RGS12: variants seen among roughly 807,000 people sequenced by gnomAD.
The protein encoded by RGS12 is regulator of G protein signaling 12.
A neutral mutation model predicts 120.1 loss-of-function variants in RGS12; 66 were observed. The observed-to-expected ratio is 0.55, with a 90% confidence interval of 0.45 to 0.67. RGS12 has a LOEUF of 0.67. Ranked by LOEUF, RGS12 falls within the 30% of genes least tolerant of loss-of-function variation. The pLI is 0.00. For synonymous variants in RGS12, 827 were observed against 804.7 expected (o/e 1.03, Z -0.47); for missense variants, 1,859 against 1,957.7 (o/e 0.95, Z 0.95).
At chr4:3,343,815 G>C (rs1372099062) in intron 3 of RGS12, among the ~76,000 whole-genome samples, 1 of 152,096 alleles carries the variant, frequency 6.6e-6, no homozygotes, top group Non-Finnish European at 1.5e-5. Flanking sequence ...CATTTGGCAT[G>C]TTTTAAAATT....
chr4:3,300,321 C>T (rs553647172), intron 1 of RGS12, among the ~76,000 whole-genome samples: 1 of 152,152 alleles, frequency 6.6e-6, no homozygotes, highest in Non-Finnish European at 1.5e-5. Flanking sequence ...GCTGGCTTGC[C>T]CCGCCTGCCA....
intron 3 of RGS12, among the ~76,000 whole-genome samples, chr4:3,355,574 C>G (rs1010434000): frequency 2.0e-5 from 3 of 152,024 alleles, no homozygotes; most frequent in Admixed American, 1.3e-4. Flanking sequence ...GTGGGCAGAT[C>G]ATTTGAGTTC....
In RGS12 at chr4:3,317,304, C is replaced by T; in HGVS notation, c.1134C>T (p.Ser378=). 1 of 1,614,158 alleles carries T rather than the reference C, an allele frequency of 6.2e-7. No homozygotes were observed. Among genetic ancestry groups the T allele is most frequent in the Non-Finnish European group, 8.5e-7 (1 of 1,180,036 alleles). The change falls in exon 2 of 18, where the codon TCC becomes TCT. Residue 378 remains serine, a synonymous_variant. Transcript: ENST00000336727. ...DTNGCLEFPA[S]SLPVLQFISV... ...ATGGCTGTCTGGAATTCCCGGCGTC[C>T]TCCCTCCCCGTCCTGCAGTTCATCT...
At chr4:3,415,801 A>C (rs925587458) in intron 6 of RGS12, among the ~76,000 whole-genome samples, 177 bp from the exon 7 acceptor site, 2 of 152,180 alleles carry the variant, frequency 1.3e-5, no homozygotes, top group Non-Finnish European at 2.9e-5. Flanking sequence ...ATCGTAGAGG[A>C]GCCCGCGCAG....
intron 2 of RGS12, among the ~76,000 whole-genome samples, chr4:3,320,969 A>G (rs1725142327): frequency 6.6e-6 from 1 of 152,136 alleles, no homozygotes; most frequent in South Asian, 2.1e-4. Flanking sequence ...GAGAGAGCAG[A>G]GGAGGCCCCT....
At chr4:3,410,797 G>A (rs1039763215) in intron 4 of RGS12, among the ~76,000 whole-genome samples, 1 of 152,188 alleles carries the variant, frequency 6.6e-6, no homozygotes, top group Non-Finnish European at 1.5e-5. Flanking sequence ...GTGTCCGGGG[G>A]CCTCCTCCTA....
At chr4:3,318,848 G>T (rs1052114556) in intron 2 of RGS12, among the ~76,000 whole-genome samples, 1 of 152,236 alleles carries the variant, frequency 6.6e-6, no homozygotes, top group Non-Finnish European at 1.5e-5. Context: ...CGGCGCTGCC[G>T]TGTGGGGCTG....
At position 3,429,160 on chromosome 4, in the gene RGS12, G is replaced by A. The variant is rs548367668; in HGVS notation, c.3565+449G>A. Reference sequence around the variant, plus strand: ...TCTGGAAGGACCGTGGGCTTGCTGAGCTCTCTTGGCTGCGGGGGTCAGTGA... The same window carrying A: ...TCTGGAAGGACCGTGGGCTTGCTGAACTCTCTTGGCTGCGGGGGTCAGTGA... On this transcript the variant is annotated intron_variant, in intron 16 of 17. Coordinates refer to ENST00000336727, the MANE Select transcript of RGS12 (RefSeq NM_001394154.1). 2.0e-5 allele frequency among the ~76,000 whole-genome samples: 3 copies of A among 152,320 alleles called. No homozygotes were observed. The East Asian group carries it at 5.8e-4, about 29-fold the overall frequency.
chr4:3,297,579 T>C (rs747199873), intron 1 of RGS12, among the ~76,000 whole-genome samples: 1 of 152,250 alleles, frequency 6.6e-6, no homozygotes, highest in Non-Finnish European at 1.5e-5. Flanking sequence ...TGCTCATTAC[T>C]GCGCCAAGGA....
At chr4:3,391,439 C>T (rs1343173201) in intron 4 of RGS12, among the ~76,000 whole-genome samples, 1 of 152,228 alleles carries the variant, frequency 6.6e-6, no homozygotes, top group Non-Finnish European at 1.5e-5. Context: ...GCATACCTAT[C>T]TTCCAGAGTT....
chr4:3,416,458 A>G (rs1577075873), intron 7 of RGS12, among the ~76,000 whole-genome samples: 2 of 152,206 alleles, frequency 1.3e-5, no homozygotes, highest in South Asian at 4.1e-4. Flanking sequence ...TTTGCATCGT[A>G]GGACATTGCT....
intron 17 of RGS12, 65 bp from the exon 18 acceptor site, chr4:3,439,390 G>A: frequency 6.6e-7 from 1 of 1,525,756 alleles, no homozygotes; most frequent in South Asian, 1.1e-5. Flanking sequence ...TTCGGGGTAG[G>A]GGGTGGGTTC....
chr4:3,362,670 A>T (rs1363826032), intron 3 of RGS12, among the ~76,000 whole-genome samples: 1 of 86,732 alleles, frequency 1.2e-5, no homozygotes, highest in East Asian at 4.1e-4. Context: ...ACTGAGGCTG[A>T]GTGTGAGGGT....
At chr4:3,340,768 A>C (rs1292031653) in intron 2 of RGS12, among the ~76,000 whole-genome samples, 1 of 151,338 alleles carries the variant, frequency 6.6e-6, no homozygotes, top group Non-Finnish European at 1.5e-5. Flanking sequence ...AGGCAGGTGC[A>C]GGCCGGTGCA....
chr4:3,292,958 C>A (rs1175651621), upstream of RGS12: 1 of 139,742 alleles, frequency 7.2e-6, no homozygotes, highest in South Asian at 2.5e-4. Context: ...TCGCCCCGCC[C>A]CTCTCCGTCC....
chr4:3,360,400 T>C (rs1715443081), intron 3 of RGS12, among the ~76,000 whole-genome samples: 1 of 152,112 alleles, frequency 6.6e-6, no homozygotes, highest in Non-Finnish European at 1.5e-5. Context: ...TTTCTTCTTC[T>C]AGCTTTGGGT....
chr4:3,322,305 G>A (rs1218634142), intron 2 of RGS12, among the ~76,000 whole-genome samples: 2 of 152,198 alleles, frequency 1.3e-5, no homozygotes, highest in Non-Finnish European at 1.5e-5. Flanking sequence ...TTGTAGACTC[G>A]CTGAGGGTCT....
intron 1 of RGS12, among the ~76,000 whole-genome samples, chr4:3,309,413 C>T (rs369750796): frequency 1.9e-4 from 25 of 128,686 alleles, no homozygotes; most frequent in South Asian, 8.3e-4. Flanking sequence ...GGCAGGTGTC[C>T]GCTGAGGGGA....
chr4:3,419,940 A>G (rs1419042772), intron 9 of RGS12, among the ~76,000 whole-genome samples: 1 of 152,188 alleles, frequency 6.6e-6, no homozygotes, highest in African/African-American at 2.4e-5. Flanking sequence ...AGGTGGCTGC[A>G]GTCTGCAGGC....
Sources: gnomAD v4.1 joint callset for allele counts (sites outside exome capture counted in the v4.1 genomes callset) on GRCh38, gnomAD v4.1.1 for gene constraint, MANE v1.5 for transcripts, NCBI Gene and HGNC (gene_info 2026-07-23, HGNC 2026-07-21) for gene names.